The following ZFHX3 variants were observed in gnomAD, a reference collection of about 807,000 sequenced individuals.
ZFHX3 encodes the protein zinc finger homeobox 3, also known as zinc finger homeobox protein 3.
In ZFHX3, 42 loss-of-function variants were observed where a neutral mutation model predicts 279.1. The ratio of observed to expected loss-of-function variants is 0.15; its 90% CI spans 0.12 to 0.19. ZFHX3 has a LOEUF of 0.19. Ranked by LOEUF, ZFHX3 falls within the 10% of genes least tolerant of loss-of-function variation. The probability of loss-of-function intolerance (pLI) is 1.00; values close to 1 mark genes in which losing one functional copy is unlikely to be tolerated. For synonymous variants in ZFHX3, 2,293 were observed against 1,957.8 expected, an observed-to-expected ratio of 1.17 and a Z score of -4.52; for missense variants, 4,981 against 4,754.0, an observed-to-expected ratio of 1.05 and a Z score of -1.40.
chr16:73,011,784 C>A (rs1963928501), intron 1 of ZFHX3, among the ~76,000 whole-genome samples: 1 of 151,472 alleles, frequency 6.6e-6, no homozygotes, highest in Non-Finnish European at 1.5e-5. Flanking sequence ...AACTCCCCTC[C>A]CCCCAAAATA....
intron 3 of ZFHX3, among the ~76,000 whole-genome samples, chr16:73,357,491 G>A (rs768219595): frequency 4.6e-5 from 7 of 152,008 alleles, no homozygotes; most frequent in Admixed American, 3.3e-4. Context: ...TGAGAGAGAG[G>A]ACAGAGACAG....
chr16:72,878,103 A>G (rs2038362901), intron 4 of ZFHX3, among the ~76,000 whole-genome samples: 1 of 152,148 alleles, frequency 6.6e-6, no homozygotes, highest in African/African-American at 2.4e-5. Flanking sequence ...GGATCACTTG[A>G]GCCCAGGAGA....
intron 1 of ZFHX3, among the ~76,000 whole-genome samples, chr16:73,016,228 GTGTTAACAATTAACCTGAAGTATTA>G: frequency 2.0e-5 from 3 of 152,252 alleles, no homozygotes; most frequent in Admixed American, 2.0e-4. Flanking sequence ...TCCCCATTTT[GTGTTAACAATTAACCTGAAGTATTA>G]TGTTAACAAT....
intron 1 of ZFHX3, among the ~76,000 whole-genome samples, chr16:72,962,924 C>G (rs1961649400): frequency 6.6e-6 from 1 of 152,048 alleles, no homozygotes; most frequent in Non-Finnish European, 1.5e-5. Flanking sequence ...CCCAATCCGC[C>G]ACATCCTGTG....
intron 4 of ZFHX3, among the ~76,000 whole-genome samples, chr16:73,289,290 T>C (rs2014709750): frequency 6.6e-6 from 1 of 151,832 alleles, no homozygotes; most frequent in African/African-American, 2.4e-5. Context: ...CTGTAACTCA[T>C]TATATGTGTG....
intron 3 of ZFHX3, among the ~76,000 whole-genome samples, chr16:73,367,756 T>C (rs2016555513): frequency 1.3e-5 from 2 of 152,202 alleles, no homozygotes; most frequent in South Asian, 4.1e-4. Flanking sequence ...GCATTACTTA[T>C]TATGCAAGTC....
intron 7 of ZFHX3, chr16:73,125,154 C>A (rs577615780): frequency 6.8e-6 from 1 of 147,452 alleles, no homozygotes; most frequent in African/African-American, 2.5e-5. Flanking sequence ...ATTATATTAT[C>A]GGAAGAAACC....
intron 3 of ZFHX3, among the ~76,000 whole-genome samples, chr16:72,901,223 G>A (rs1347644049): frequency 1.3e-5 from 2 of 152,166 alleles, no homozygotes; most frequent in Non-Finnish European, 2.9e-5. Context: ...CCCGCTGAGT[G>A]CACCTGCCCA....
At chr16:73,678,339 T>C (rs1020465928) in intron 2 of ZFHX3, among the ~76,000 whole-genome samples, 4 of 152,126 alleles carry the variant, frequency 2.6e-5, no homozygotes, top group African/African-American at 9.7e-5. Context: ...GTGCATCGGA[T>C]AATTTTTTCA....
intron 4 of ZFHX3, among the ~76,000 whole-genome samples, chr16:72,881,489 C>G (rs77399417): frequency 6.6e-6 from 1 of 152,278 alleles, no homozygotes; most frequent in East Asian, 1.9e-4. Flanking sequence ...TATTTCTGTA[C>G]GCAGAGAGAT....
Position 72,793,974 on chromosome 16 carries a change from C to T in ZFHX3, c.8708G>A (p.Ser2903Asn), listed in dbSNP as rs1479510222. ...TGTACCTTCATTGTCATATTCCTTGCTATAAAAGCTCGGGGCCGGGCTGAC... is the reference window on the plus strand; with the variant it reads ...TGTACCTTCATTGTCATATTCCTTGTTATAAAAGCTCGGGGCCGGGCTGAC... ...GLVSPAPSFY[S>N]KEYDNEGTVD... Residue 2903 changes from serine to asparagine, a missense_variant, in exon 9 of 10, where the codon AGC (serine) becomes AAC (asparagine). This residue lies in a region of ZFHX3 where 744 missense variants were observed against 701.3 expected (regional missense o/e 1.06). Transcript: ENST00000268489. This position sits in a 1 kb window ranked among gnomAD's most constrained non-coding sequence, Gnocchi z 4.3. 6.2e-7 allele frequency: 1 copy of T among 1,614,132 alleles called. No individual in the cohort carries two copies. The highest frequency in any genetic ancestry group is 1.3e-5 in the African/African-American group (1 of 74,954).
At chr16:73,742,523 C>T (rs1227412852) in intron 1 of ZFHX3, among the ~76,000 whole-genome samples, 1 of 152,148 alleles carries the variant, frequency 6.6e-6, no homozygotes, top group Non-Finnish European at 1.5e-5. Context: ...TTCCAAATTG[C>T]ATCATTTTGA....
intron 3 of ZFHX3, among the ~76,000 whole-genome samples, chr16:72,945,257 G>A (rs375969668): frequency 9.2e-5 from 14 of 152,178 alleles, no homozygotes; most frequent in African/African-American, 3.1e-4. Flanking sequence ...TGAGCCATAC[G>A]TTCCCACAGC....
chr16:72,803,518 TG>T (rs2036175022), intron 7 of ZFHX3, among the ~76,000 whole-genome samples: 1 of 152,182 alleles, frequency 6.6e-6, no homozygotes, highest in Non-Finnish European at 1.5e-5. Context: ...CCAATTTTCC[TG>T]CAGAACAATA....
chr16:72,893,560 A>C (rs567057084), intron 3 of ZFHX3, among the ~76,000 whole-genome samples: 5,920 of 89,354 alleles, frequency 0.066, 378 homozygotes, highest in African/African-American at 0.21. Flanking sequence ...TGGATATGAT[A>C]AAAGATATTC....
chr16:73,477,217 A>G (rs1257696590), intron 2 of ZFHX3, among the ~76,000 whole-genome samples: 3 of 152,248 alleles, frequency 2.0e-5, no homozygotes. Flanking sequence ...GATTTTTAAA[A>G]TTAAATGCTG....
Position 73,200,790 on chromosome 16 carries a change from A to G in ZFHX3, c.-1104+56257T>C, listed in dbSNP as rs1244478757. ...GGAAAATAATCCTATCAAAGGAGCT[A>G]TTTAGCATTTGAATATTTTTTAAAA... On this transcript the variant is annotated intron_variant, in intron 5 of 17. Transcript: ENST00000641206. Among the ~76,000 whole-genome samples the G allele has an allele frequency of 3.3e-5, 5 of 152,322 alleles. No homozygotes were observed. In the East Asian group the frequency reaches 5.8e-4, roughly 18 times the overall value.
intron 5 of ZFHX3, among the ~76,000 whole-genome samples, chr16:72,829,061 A>G (rs1567536807): frequency 6.6e-6 from 1 of 150,816 alleles, no homozygotes; most frequent in Non-Finnish European, 1.5e-5. Context: ...AGTGGCTGGC[A>G]TGATTAGGGC....
intron 5 of ZFHX3, among the ~76,000 whole-genome samples, chr16:73,176,338 G>A (rs542102395): frequency 1.7e-3 from 254 of 152,284 alleles, no homozygotes; most frequent in Middle Eastern, 3.4e-3. Context: ...TCCAAGATCA[G>A]GTATCTTACA....
Sources: allele counts gnomAD v4.1 joint callset (sites outside exome capture counted in the v4.1 genomes callset), GRCh38; gene constraint gnomAD v4.1.1; regional missense constraint gnomAD v4.1.1; non-coding constraint Gnocchi (gnomAD v3.1); transcripts MANE v1.5; gene names NCBI Gene and HGNC (gene_info 2026-07-23, HGNC 2026-07-21).